ADGRL3: variants seen among roughly 807,000 people sequenced by gnomAD.
ADGRL3 encodes calcium-independent alpha-latrotoxin receptor 3.
A neutral mutation model predicts 153.5 loss-of-function variants in ADGRL3; 62 were observed. The observed-to-expected ratio is 0.40, with a 90% CI of 0.33 to 0.50. The LOEUF is 0.50. Ranked by LOEUF, ADGRL3 falls within the 20% of genes least tolerant of loss-of-function variation. The probability of loss-of-function intolerance (pLI) is 0.47; values close to 1 mark genes in which losing one functional copy is unlikely to be tolerated. For missense variants in ADGRL3, 1,641 were observed against 1,859.4 expected, an observed-to-expected ratio of 0.88 and a Z score of 2.16; for synonymous variants, 710 against 672.5, an observed-to-expected ratio of 1.06 and a Z score of -0.86.
Position 61,554,169 on chromosome 4 carries a change from G to GTATTT in ADGRL3, c.260-33028_260-33024dup, listed in dbSNP as rs71211394. Reference sequence around the variant, plus strand: ...ATAAAAAATGTCTCTCCTAACTTAGGTATTTTATTTTATTTTATTTTATTT... The same window carrying GTATTT: ...ATAAAAAATGTCTCTCCTAACTTAGGTATTTTATTTTATTTTATTTTATTTTATTT... On this transcript the variant is annotated intron_variant, in intron 4 of 26. Coordinates refer to ENST00000683033, the MANE Select transcript of ADGRL3 (RefSeq NM_001387552.1). Among the ~76,000 whole-genome samples the GTATTT allele has an allele frequency of 5.6e-3, 781 of 138,816 alleles. 2 individuals are homozygous for GTATTT. Among genetic ancestry groups the GTATTT allele is most frequent in the East Asian group, 0.015 (65 of 4,480 alleles). The allele number at this position is 138,816 out of a possible 152,430, so 91.1% of individuals were successfully genotyped here.
At chr4:61,562,540 A>G (rs968795686) in intron 4 of ADGRL3, among the ~76,000 whole-genome samples, 7 of 152,102 alleles carry the variant, frequency 4.6e-5, no homozygotes, top group African/African-American at 1.7e-4. Flanking sequence ...CATTTCCACA[A>G]TGCTCCCAGA....
At chr4:61,955,116 G>A (rs555746149) in intron 17 of ADGRL3, among the ~76,000 whole-genome samples, 2 of 152,148 alleles carry the variant, frequency 1.3e-5, no homozygotes, top group Admixed American at 6.5e-5. Flanking sequence ...GTTAGCGTAG[G>A]TGTTTTTTGT....
chr4:61,433,788 C>A (rs1010336344), intron 2 of ADGRL3, among the ~76,000 whole-genome samples: 45 of 152,126 alleles, frequency 3.0e-4, no homozygotes, highest in Admixed American at 1.3e-4. Context: ...ATCTCATAGA[C>A]TTCTTAAACT....
chr4:61,384,564 A>G (rs1269001715), intron 2 of ADGRL3, among the ~76,000 whole-genome samples: 1 of 151,914 alleles, frequency 6.6e-6, no homozygotes, highest in Non-Finnish European at 1.5e-5. Context: ...TAATATTTAT[A>G]TTCATTTCTA....
At chr4:61,265,044 A>C (rs1369598637) in intron 1 of ADGRL3, among the ~76,000 whole-genome samples, 3 of 151,928 alleles carry the variant, frequency 2.0e-5, no homozygotes, top group Non-Finnish European at 4.4e-5. Context: ...TACTTGGAAA[A>C]GGTAGGGAAG....
chr4:61,716,528 AT>A (rs774738775), intron 6 of ADGRL3, among the ~76,000 whole-genome samples: 11 of 152,080 alleles, frequency 7.2e-5, no homozygotes, highest in Non-Finnish European at 1.5e-4. Context: ...TTTTCACATA[AT>A]TTTTCTGGTA....
At chr4:61,373,075 C>T (rs1191744090) in intron 1 of ADGRL3, among the ~76,000 whole-genome samples, 1 of 152,190 alleles carries the variant, frequency 6.6e-6, no homozygotes, top group Non-Finnish European at 1.5e-5. Context: ...CAATGCCTCG[C>T]CCTGCTTCGG....
intron 1 of ADGRL3, among the ~76,000 whole-genome samples, chr4:61,236,962 C>T (rs1753091694): frequency 6.6e-6 from 1 of 152,086 alleles, no homozygotes; most frequent in Admixed American, 6.6e-5. Flanking sequence ...ACATTAATAT[C>T]TTTTGCTCTG....
intron 9 of ADGRL3, among the ~76,000 whole-genome samples, chr4:61,881,505 A>G (rs1222048529): frequency 1.3e-5 from 2 of 152,114 alleles, no homozygotes; most frequent in Admixed American, 6.6e-5. Flanking sequence ...CAGCCTCCCA[A>G]GTAGGTGGGA....
intron 2 of ADGRL3, among the ~76,000 whole-genome samples, chr4:61,431,331 C>T (rs2152413200): frequency 6.6e-6 from 1 of 152,318 alleles, no homozygotes; most frequent in Non-Finnish European, 1.5e-5. Context: ...CTGTCCTCCC[C>T]ATGGCTGTCC....
intron 8 of ADGRL3, among the ~76,000 whole-genome samples, chr4:61,782,672 T>C (rs891230162): frequency 6.6e-6 from 1 of 152,118 alleles, no homozygotes; most frequent in African/African-American, 2.4e-5. Flanking sequence ...AACTACTAAA[T>C]GGTAGAAAAT....
intron 2 of ADGRL3, among the ~76,000 whole-genome samples, chr4:61,495,355 T>G (rs911599942): frequency 1.3e-5 from 2 of 152,020 alleles, no homozygotes; most frequent in African/African-American, 4.8e-5. Context: ...TTTGAGAAGA[T>G]TTTAAAATTT....
At chr4:61,222,248 C>A (rs2149039144) in intron 1 of ADGRL3, among the ~76,000 whole-genome samples, 1 of 152,082 alleles carries the variant, frequency 6.6e-6, no homozygotes, top group Non-Finnish European at 1.5e-5. Flanking sequence ...CTTTACCTTT[C>A]TTTTAAATCT....
intron 21 of ADGRL3, among the ~76,000 whole-genome samples, chr4:61,998,942 A>G (rs2099131193): frequency 6.6e-6 from 1 of 152,064 alleles, no homozygotes; most frequent in East Asian, 1.9e-4. Context: ...CTCCAGAGCA[A>G]TGTGATGAGA....
chr4:61,636,139 A>G (rs1335710212), intron 5 of ADGRL3, among the ~76,000 whole-genome samples: 3 of 152,154 alleles, frequency 2.0e-5, no homozygotes, highest in African/African-American at 7.2e-5. Flanking sequence ...TGTACTGTCA[A>G]CCTGTCTGAA....
At chr4:61,800,101 A>C (rs2097474241) in intron 8 of ADGRL3, among the ~76,000 whole-genome samples, 1 of 151,916 alleles carries the variant, frequency 6.6e-6, no homozygotes, top group African/African-American at 2.4e-5. Flanking sequence ...ACTTTGATTA[A>C]AGTTAATTAA....
At chr4:61,632,915 CA>C (rs1459746464) in intron 5 of ADGRL3, among the ~76,000 whole-genome samples, 4 of 152,084 alleles carry the variant, frequency 2.6e-5, no homozygotes, top group Admixed American at 2.6e-4. Context: ...CAGGAAATAA[CA>C]CTGATAACTT....
chr4:61,562,944 CAAAAAA>C (rs35146786), intron 4 of ADGRL3, among the ~76,000 whole-genome samples: 1 of 105,936 alleles, frequency 9.4e-6, no homozygotes, highest in Non-Finnish European at 2.0e-5. Context: ...GACCCTGTCT[CAAAAAA>C]AAAAAAAAAA....
chr4:61,830,949 C>T (rs752993534), intron 9 of ADGRL3, among the ~76,000 whole-genome samples: 96 of 152,118 alleles, frequency 6.3e-4, no homozygotes, highest in Middle Eastern at 3.4e-3. Context: ...AGTGCAGTGG[C>T]GCCATCTTGG....
Sources: allele counts gnomAD v4.1 joint callset (sites outside exome capture counted in the v4.1 genomes callset), GRCh38; gene constraint gnomAD v4.1.1; transcripts MANE v1.5; gene names NCBI Gene and HGNC (gene_info 2026-07-23, HGNC 2026-07-21).